Variants in CLIC5 observed in about 807,000 individuals in gnomAD.
CLIC5 encodes CLIC family member 5.
Under a neutral mutation model 24.7 loss-of-function variants are expected in CLIC5, and 20 were observed. That is an observed-to-expected ratio of 0.81 (90% CI 0.57 to 1.18). CLIC5 has a LOEUF of 1.18. CLIC5 is among the 50% of genes most tolerant of loss of function. The pLI, the probability that CLIC5 is intolerant of heterozygous loss-of-function variation, is 0.00. For missense variants in CLIC5, 341 were observed against 326.1 expected, an observed-to-expected ratio of 1.05 and a Z score of -0.35; for synonymous variants, 159 against 135.6, an observed-to-expected ratio of 1.17 and a Z score of -1.20.
chr6:46,129,584 A>C, the CLIC5 span: 2 of 152,068 alleles, frequency 1.3e-5, no homozygotes, highest in African/African-American at 4.8e-5. Flanking sequence ...ATTTATCCCA[A>C]CTCACTGGAA....
At chr6:45,944,222 A>G (rs1305478167) in intron 3 of CLIC5, among the ~76,000 whole-genome samples, 1 of 152,230 alleles carries the variant, frequency 6.6e-6, no homozygotes, top group Non-Finnish European at 1.5e-5. Flanking sequence ...CTTGAAAAAA[A>G]TCAAAAGGAG....
At chr6:46,078,228 C>T (rs1017588568) in intron 1 of CLIC5, among the ~76,000 whole-genome samples, 3 of 152,132 alleles carry the variant, frequency 2.0e-5, no homozygotes, top group Non-Finnish European at 2.9e-5. Flanking sequence ...GACCAGGTGG[C>T]ACATGCCTGT....
At chr6:45,983,544 C>G (rs1030694304) in intron 1 of CLIC5, among the ~76,000 whole-genome samples, 3 of 152,106 alleles carry the variant, frequency 2.0e-5, no homozygotes, top group African/African-American at 7.2e-5. Flanking sequence ...ATATCACGGC[C>G]TTAGGAGTTA....
At chr6:46,083,794 C>G (rs1362115928), upstream of CLIC5, among the ~76,000 whole-genome samples, 2 of 151,806 alleles carry the variant, frequency 1.3e-5, no homozygotes, top group Non-Finnish European at 2.9e-5. Context: ...ATTAGGTCTG[C>G]TTGGTGCAGA....
At chr6:46,094,410 G>A in the CLIC5 span, among the ~76,000 whole-genome samples, 6,959 of 152,200 alleles carry the variant, frequency 0.046, 162 homozygotes, top group Middle Eastern at 0.058. Context: ...CCACCTATGA[G>A]CCTGTAAAAT....
upstream of CLIC5, among the ~76,000 whole-genome samples, chr6:46,081,501 G>A (rs1019791940): frequency 1.3e-5 from 2 of 152,124 alleles, no homozygotes; most frequent in African/African-American, 4.8e-5. Flanking sequence ...AGCATTTCTA[G>A]AATTCTAGCT....
the CLIC5 span, among the ~76,000 whole-genome samples, chr6:46,112,619 G>T: frequency 6.6e-6 from 1 of 152,022 alleles, no homozygotes. Context: ...ACACTTATTA[G>T]TAAACACAGT....
intron 4 of CLIC5, chr6:45,932,899 T>C (rs1184105733): frequency 6.6e-6 from 1 of 152,082 alleles, no homozygotes; most frequent in South Asian, 2.1e-4. Context: ...GGAAGGGAAA[T>C]GAGAGAGGCA....
chr6:45,981,899 G>A (rs1408206418), intron 1 of CLIC5, among the ~76,000 whole-genome samples: 2 of 151,988 alleles, frequency 1.3e-5, no homozygotes, highest in Non-Finnish European at 2.9e-5. Context: ...TCGGGAGGCT[G>A]AGGCAGGAGA....
intron 1 of CLIC5, among the ~76,000 whole-genome samples, chr6:45,999,371 T>C (rs1766265900): frequency 6.6e-6 from 1 of 152,248 alleles, no homozygotes; most frequent in Non-Finnish European, 1.5e-5. Flanking sequence ...GCTGGGTATA[T>C]GGTGTGTGCC....
At chr6:45,986,683 G>A (rs1231188329) in intron 1 of CLIC5, among the ~76,000 whole-genome samples, 2 of 152,172 alleles carry the variant, frequency 1.3e-5, no homozygotes, top group Admixed American at 6.5e-5. Flanking sequence ...AAAACAACTG[G>A]GCTCAATGAA....
At chr6:46,012,187 G>T (rs1245164523) in intron 1 of CLIC5, among the ~76,000 whole-genome samples, 12 of 152,252 alleles carry the variant, frequency 7.9e-5, no homozygotes, top group Admixed American at 4.6e-4. Context: ...TCTAGATTTG[G>T]ACAATAAATT....
chr6:46,007,603 G>A (rs1766633053), intron 1 of CLIC5, among the ~76,000 whole-genome samples: 1 of 152,176 alleles, frequency 6.6e-6, no homozygotes, highest in South Asian at 2.1e-4. Context: ...CATGGTCACA[G>A]TGAATGCAGC....
intron 2 of CLIC5, among the ~76,000 whole-genome samples, chr6:45,953,465 A>G (rs1275026090): frequency 6.6e-6 from 1 of 152,064 alleles, no homozygotes; most frequent in Non-Finnish European, 1.5e-5. Flanking sequence ...CAGGGACAAG[A>G]AGGAAGAGAG....
At chr6:46,068,982 G>A (rs1256962480) in intron 1 of CLIC5, among the ~76,000 whole-genome samples, 1 of 152,152 alleles carries the variant, frequency 6.6e-6, no homozygotes, top group Non-Finnish European at 1.5e-5. Flanking sequence ...AAGGAGTGCA[G>A]AGCCAACACA....
At chr6:46,112,916 G>C in the CLIC5 span, among the ~76,000 whole-genome samples, 3 of 152,260 alleles carry the variant, frequency 2.0e-5, no homozygotes, top group African/African-American at 4.8e-5. Flanking sequence ...AATTAGCCGA[G>C]TGTGGTGGCA....
At chr6:45,881,722 T>C (rs1762264431) in intron 6 of CLIC5, among the ~76,000 whole-genome samples, 2 of 152,176 alleles carry the variant, frequency 1.3e-5, no homozygotes, top group Non-Finnish European at 2.9e-5. Context: ...CATGAAAATC[T>C]CTCTGGAAAG....
At chr6:45,921,853 G>A (rs149632236) in intron 4 of CLIC5, among the ~76,000 whole-genome samples, 2 of 152,326 alleles carry the variant, frequency 1.3e-5, no homozygotes, top group African/African-American at 4.8e-5. Flanking sequence ...GAGAGTTCAT[G>A]TCCACCTTTG....
In CLIC5 at chr6:45,909,205, C is replaced by T. The variant is rs113941144; in HGVS notation, c.588+5023G>A. On this transcript the variant is annotated intron_variant, in intron 5 of 5. Coordinates refer to ENST00000339561, the MANE Select transcript of CLIC5 (RefSeq NM_016929.5). The stretch of plus-strand genomic sequence containing the variant: ...TATGAGAGGGGTCTCTTGAAGACAG[C>T]AGATGAGTGGCTCTTATTTTTTATC... Among the ~76,000 whole-genome samples, 592 of 152,278 alleles carry T rather than the reference C, an allele frequency of 3.9e-3. 3 individuals carry two copies. Among genetic ancestry groups the T allele is most frequent in the African/African-American group, 0.013 (559 of 41,568 alleles).
Sources: allele counts gnomAD v4.1 joint callset (sites outside exome capture counted in the v4.1 genomes callset), GRCh38; gene constraint gnomAD v4.1.1; transcripts MANE v1.5; gene names NCBI Gene and HGNC (gene_info 2026-07-23, HGNC 2026-07-21).